TNC: variants seen among roughly 807,000 people sequenced by gnomAD.
TNC encodes tenascin C.
TNC carries 109 observed loss-of-function variants against 202.4 expected under a neutral mutation model. The ratio of observed to expected loss-of-function variants is 0.54; its 90% CI spans 0.46 to 0.63. The LOEUF is 0.63. Ranked by LOEUF, TNC falls within the 30% of genes least tolerant of loss-of-function variation. The pLI, the probability that TNC is intolerant of heterozygous loss-of-function variation, is 0.00. For missense variants in TNC, 2,756 were observed against 2,833.3 expected (o/e 0.97, Z 0.62); for synonymous variants, 1,007 against 1,089.7 (o/e 0.92, Z 1.50).
At chr9:115,112,245 C>T (rs569433555) in intron 1 of TNC, among the ~76,000 whole-genome samples, 100 of 152,250 alleles carry the variant, frequency 6.6e-4, no homozygotes, top group African/African-American at 2.3e-3. Context: ...TGCCAACTGG[C>T]GGAAGATCTT....
chr9:115,030,162 A>C, intron 24 of TNC, 92 bp downstream of exon 24: 1 of 1,337,784 alleles, frequency 7.5e-7, no homozygotes, highest in Non-Finnish European at 1.0e-6. Context: ...GTCAGAGTGC[A>C]TCAGGAGGAG....
At chr9:115,082,202 C>T (rs1351294268) in intron 5 of TNC, among the ~76,000 whole-genome samples, 1 of 152,188 alleles carries the variant, frequency 6.6e-6, no homozygotes, top group Non-Finnish European at 1.5e-5. Flanking sequence ...AAGGCACAAG[C>T]TCAATCCCTC....
At chr9:115,058,099 A>G (rs902505738) in intron 14 of TNC, among the ~76,000 whole-genome samples, 1 of 152,240 alleles carries the variant, frequency 6.6e-6, no homozygotes, top group Non-Finnish European at 1.5e-5. Flanking sequence ...CAAAAAGGCT[A>G]GTATTGCATT....
At chr9:115,064,157 A>G (rs1832763737) in intron 11 of TNC, 89 bp from the exon 12 acceptor site, 1 of 1,330,178 alleles carries the variant, frequency 7.5e-7, no homozygotes, top group Non-Finnish European at 1.0e-6. Context: ...GAATAATAAT[A>G]TTACTGAAAA....
At chr9:115,039,800 T>C (rs1312315637) in intron 19 of TNC, among the ~76,000 whole-genome samples, 1 of 152,216 alleles carries the variant, frequency 6.6e-6, no homozygotes, top group Admixed American at 6.5e-5. Context: ...AATGGGGCAT[T>C]GGGAGGAACT....
Position 115,077,310 on chromosome 9 carries a change from C to T in TNC, c.2674+633G>A, listed in dbSNP as rs575241366. Among the ~76,000 whole-genome samples, 8 of 152,306 alleles carry T rather than the reference C, an allele frequency of 5.3e-5. No homozygotes were observed. In the South Asian group the frequency reaches 1.4e-3, roughly 28 times the overall value. ...TGACCTCGTGATTCGCCCGCCTTGG[C>T]CTCCCAAAGTGCTGGGATTACAGGC... On this transcript the variant is annotated intron_variant, in intron 7 of 27. Coordinates refer to ENST00000350763, the MANE Select transcript of TNC (RefSeq NM_002160.4).
At chr9:115,073,918 C>T (rs1833653002) in intron 9 of TNC, 52 bp from the exon 10 acceptor site, 2 of 1,558,864 alleles carry the variant, frequency 1.3e-6, no homozygotes, top group Non-Finnish European at 1.7e-6. Context: ...GACAGGGCTG[C>T]TTCTGGGGCT....
intron 26 of TNC, 145 bp downstream of exon 26, chr9:115,026,389 A>G (rs1364982886): frequency 7.2e-6 from 6 of 836,042 alleles, no homozygotes; most frequent in Non-Finnish European, 1.1e-5. Context: ...GTTTTTCTGG[A>G]TTGGCACTCA....
chr9:115,078,141 G>A lies in TNC; in HGVS notation c.2476C>T (p.Pro826Ser). ...TCAATGCCATCGATCTCAGCCAGGG[G>A]CTTGAACCAGGTGATCAAGGCAGTG... ...DTTALITWFK[P>S]LAEIDGIELT... The change falls in exon 7 of 28, where the codon CCC becomes TCC. Residue 826 changes from proline (P) to serine (S), a missense_variant. This residue lies in a region of TNC where 2,559 missense variants were observed against 2,546.0 expected (regional missense o/e 1.01). Transcript: ENST00000350763. The A allele has an allele frequency of 2.5e-6, 4 of 1,614,110 alleles. No homozygotes were observed. The highest frequency in any genetic ancestry group is 3.4e-6 in the Non-Finnish European group (4 of 1,179,958).
chr9:115,099,940 GTGGCTA>G (rs1836101468), intron 1 of TNC, among the ~76,000 whole-genome samples: 1 of 152,214 alleles, frequency 6.6e-6, no homozygotes, highest in Admixed American at 6.5e-5. Flanking sequence ...TGAGGAGGCT[GTGGCTA>G]CAGCCCTGGT....
intron 12 of TNC, 145 bp downstream of exon 12, chr9:115,063,651 G>C (rs1832718280): frequency 2.2e-6 from 2 of 921,950 alleles, no homozygotes; most frequent in Non-Finnish European, 3.2e-6. Flanking sequence ...TAAGGGATGT[G>C]ACATTTAGGA....
intron 10 of TNC, among the ~76,000 whole-genome samples, chr9:115,065,963 G>A (rs944645627): frequency 1.3e-5 from 2 of 150,832 alleles, no homozygotes; most frequent in East Asian, 3.9e-4. Flanking sequence ...TCCTATGGGA[G>A]GTCTGTTGTA....
In TNC at chr9:115,073,747, C is replaced by A. The variant is rs751787471; in HGVS notation, c.3070G>T (p.Gly1024Cys). 3 of 1,614,204 alleles carry A rather than the reference C, an allele frequency of 1.9e-6. No individual in the cohort carries two copies. The highest frequency in any genetic ancestry group is 2.5e-6 in the Non-Finnish European group (3 of 1,180,020). The change falls in exon 10 of 28, where the codon GGC (glycine) becomes TGC (cysteine). Residue 1024 changes from glycine to cysteine, a missense_variant. Transcript: ENST00000350763. Reference protein sequence around the residue: ...RYRLNYSLPTGQWVGVQLPRN... With the variant: ...RYRLNYSLPTCQWVGVQLPRN... ...GGAAGCTGCACTCCCACCCACTGGCCTGTGGGGAGACTGTAATTGAGGCGG... is the reference window on the plus strand; with the variant it reads ...GGAAGCTGCACTCCCACCCACTGGCATGTGGGGAGACTGTAATTGAGGCGG...
chr9:115,080,373 G>A (rs898900370), intron 6 of TNC, among the ~76,000 whole-genome samples: 1 of 151,970 alleles, frequency 6.6e-6, no homozygotes, highest in African/African-American at 2.4e-5. Context: ...GAGAGGTGGT[G>A]TCAGGATGAT....
At chr9:115,041,110 G>A in intron 18 of TNC, 26 bp from the exon 19 acceptor site, 2 of 1,592,394 alleles carry the variant, frequency 1.3e-6, no homozygotes, top group Non-Finnish European at 1.7e-6. Flanking sequence ...AGCAAGATGA[G>A]GAATAATGAA....
In TNC at chr9:115,027,344, C is replaced by T. The variant is rs180936832; in HGVS notation, c.6170-649G>A. ...GTGGCTCACGCCCATAATCCCCACA[C>T]TTTGGGAGGCCAAGGTGGGCGGATC... On this transcript the variant is annotated intron_variant, in intron 25 of 27. Transcript: ENST00000350763. 1.3e-3 allele frequency among the ~76,000 whole-genome samples: 194 copies of T among 152,094 alleles called. 4 individuals are homozygous for T. In the South Asian group the frequency reaches 0.025, roughly 19 times the overall value.
intron 10 of TNC, among the ~76,000 whole-genome samples, chr9:115,066,818 T>C (rs1832991059): frequency 6.6e-6 from 1 of 152,260 alleles, no homozygotes; most frequent in Non-Finnish European, 1.5e-5. Flanking sequence ...AGCATAGCCA[T>C]GCTTGTTCAC....
intron 11 of TNC, 50 bp from the exon 12 acceptor site, chr9:115,064,118 C>T (rs1337587868): frequency 6.6e-7 from 1 of 1,509,104 alleles, no homozygotes; most frequent in Non-Finnish European, 8.9e-7. Flanking sequence ...ACAACAAGAT[C>T]CAGGGAATCT....
chr9:115,078,477 C>A (rs1834053305), intron 6 of TNC, among the ~76,000 whole-genome samples: 1 of 150,024 alleles, frequency 6.7e-6, no homozygotes, highest in South Asian at 2.1e-4. Flanking sequence ...AGAGACTGGC[C>A]CATGGATGTC....
Sources: gnomAD v4.1 joint callset for allele counts (sites outside exome capture counted in the v4.1 genomes callset) on GRCh38, gnomAD v4.1.1 for gene constraint, gnomAD v4.1.1 regional missense constraint, MANE v1.5 for transcripts, NCBI Gene and HGNC (gene_info 2026-07-23, HGNC 2026-07-21) for gene names.